The following EVC variants were observed in gnomAD, a reference collection of about 807,000 sequenced individuals.
EVC encodes EvC ciliary complex subunit 1.
In EVC, 116 loss-of-function variants were observed where a neutral mutation model predicts 118.9. That is an observed-to-expected ratio of 0.98 (90% CI 0.84 to 1.14). EVC has a LOEUF of 1.14. Among genes scored for constraint, EVC ranks in the 50% most tolerant of loss-of-function variants. The pLI, the probability that EVC is intolerant of heterozygous loss-of-function variation, is 0.00. For synonymous variants in EVC, 619 were observed against 534.7 expected (o/e 1.16, Z -2.18); for missense variants, 1,401 against 1,246.4 (o/e 1.12, Z -1.87).
At position 5,748,259 on chromosome 4, in the gene EVC, A is replaced by T; in HGVS notation, c.1051A>T (p.Ile351Phe). Reference protein sequence around the residue: ...QLMMTLTERMIAAEGLLCDSQ... With the variant: ...QLMMTLTERMFAAEGLLCDSQ... ...GATGATGACTCTGACGGAAAGAATG[A>T]TTGCAGCCGAAGGGCTATTGTGCGA... Residue 351 changes from isoleucine (I) to phenylalanine (F), a missense_variant, in exon 8 of 21, where the codon ATT (isoleucine) becomes TTT (phenylalanine). Coordinates refer to ENST00000264956, the MANE Select transcript of EVC (RefSeq NM_153717.3). 1.2e-6 allele frequency: 2 copies of T among 1,614,122 alleles called. No homozygotes were observed. Among genetic ancestry groups the T allele is most frequent in the South Asian group, 1.1e-5 (1 of 91,076 alleles).
At chr4:5,828,805 G>C in the EVC span, 26 of 1,075,044 alleles carry the variant, frequency 2.4e-5, no homozygotes, top group Admixed American at 2.0e-4. Context: ...ACCTTTTATT[G>C]ACTGTAATAT....
intron 17 of EVC, among the ~76,000 whole-genome samples, chr4:5,807,716 C>T (rs184108591): frequency 1.3e-5 from 2 of 152,218 alleles, no homozygotes; most frequent in South Asian, 2.1e-4. Context: ...TCTCATTTTA[C>T]GAGGGAGGGG....
intron 3 of EVC, among the ~76,000 whole-genome samples, chr4:5,730,658 C>G (rs1552058): frequency 0.15 from 22,475 of 151,672 alleles, 1,919 homozygotes; most frequent in African/African-American, 0.22. Flanking sequence ...AGAGGCAGAT[C>G]CCCAGGGACC....
At chr4:5,714,043 C>T (rs1446507870) in intron 1 of EVC, among the ~76,000 whole-genome samples, 1 of 152,252 alleles carries the variant, frequency 6.6e-6, no homozygotes, top group Non-Finnish European at 1.5e-5. Context: ...CTCAAGACAC[C>T]TCGCTGTTCC....
At chr4:5,761,782 C>T (rs1164976449) in intron 11 of EVC, among the ~76,000 whole-genome samples, 2 of 151,686 alleles carry the variant, frequency 1.3e-5, no homozygotes, top group East Asian at 3.9e-4. Context: ...GGAAGGGGTA[C>T]AATGAGTTGT....
Position 5,804,800 on chromosome 4 carries a change from G to C in EVC, c.2520G>C (p.Thr840=), listed in dbSNP as rs187406722. 2 of 1,614,130 alleles carry C rather than the reference G, an allele frequency of 1.2e-6. No individual in the cohort carries two copies. The highest frequency in any genetic ancestry group is 1.7e-4 in the Middle Eastern group (1 of 6,060). ...ELSNPSSGSR[T]AGGAHETSQA... ...GCAACCCTTCGTCGGGCAGCAGGAC[G>C]GCAGGTGGCGCTCATGAGACCTCCC... The change falls in exon 17 of 21, where the codon ACG becomes ACC. Residue 840 remains threonine, a synonymous_variant. Transcript: ENST00000264956.
chr4:5,807,432 T>C lies in EVC; in HGVS notation c.2562-769T>C, dbSNP rs145610472. ...CTCCACACGCACAGCTGCCTATCCA[T>C]GCTAAAGGTGGCCCTGACTTCAGGT... is the stretch of plus-strand genomic sequence containing the variant. On this transcript the variant is annotated intron_variant, in intron 17 of 20. Transcript: ENST00000264956. Among the ~76,000 whole-genome samples the C allele has an allele frequency of 2.8e-3, 432 of 152,304 alleles. 4 individuals are homozygous for C. The highest frequency in any genetic ancestry group is 9.9e-3 in the African/African-American group (412 of 41,572).
chr4:5,823,022 C>G, the EVC span, among the ~76,000 whole-genome samples: 1 of 152,100 alleles, frequency 6.6e-6, no homozygotes. Flanking sequence ...CTTTCTTTAC[C>G]GACAACTGTC....
In EVC at chr4:5,756,059, G is replaced by A. The variant is rs1731120592; in HGVS notation, c.1465-205G>A. ...TAACAAAAGCGTGGTGGTTTGTGGT[G>A]TTTCCTGGAAATCGGATTTGCTGAC... On this transcript the variant is annotated intron_variant, in intron 10 of 20. Transcript: ENST00000264956. The surrounding 1 kb of genome is among the most constrained non-coding windows in gnomAD (Gnocchi z 4.2). Among the ~76,000 whole-genome samples the A allele has an allele frequency of 2.6e-5, 4 of 152,150 alleles. No individual in the cohort carries two copies. The highest frequency in any genetic ancestry group is 2.6e-4 in the Admixed American group (4 of 15,280).
intron 2 of EVC, among the ~76,000 whole-genome samples, chr4:5,720,212 A>AT (rs1361798600): frequency 2.6e-5 from 4 of 152,062 alleles, no homozygotes; most frequent in Non-Finnish European, 4.4e-5. Context: ...AACTAGCATT[A>AT]TTTTTTAGCA....
chr4:5,762,350 C>A (rs375906245), intron 11 of EVC, among the ~76,000 whole-genome samples: 2 of 137,696 alleles, frequency 1.5e-5, no homozygotes, highest in South Asian at 5.3e-4. Context: ...TGAATAGTGC[C>A]GCAATAAACA....
At chr4:5,748,083 G>A (rs967681056) in intron 7 of EVC, 65 bp from the exon 8 acceptor site, 24 of 1,557,314 alleles carry the variant, frequency 1.5e-5, no homozygotes, top group South Asian at 1.0e-4. Flanking sequence ...TCCCGAGCAC[G>A]CACCGTTTGG....
In EVC at chr4:5,813,623, A is replaced by C. The variant is rs1717245128; in HGVS notation, c.*2586A>C. On this transcript the variant is annotated 3_prime_UTR_variant, in exon 21 of 21. Transcript: ENST00000264956. The stretch of plus-strand genomic sequence containing the variant: ...AATGCAGGCCCTCTGGCAGCACCAT[A>C]ATTGGTCGGTTACCCTGAGCCCAGA... 6.6e-6 allele frequency: 1 copy of C among 152,094 alleles called. No individual in the cohort carries two copies. Among genetic ancestry groups the C allele is most frequent in the Admixed American group, 6.5e-5 (1 of 15,270 alleles). 9.4% of individuals were successfully genotyped at this position (152,094 alleles called of 1,614,324 possible).
At position 5,711,393 on chromosome 4, in the gene EVC, G is replaced by C. The variant is rs1250299379; in HGVS notation, c.13G>C (p.Gly5Arg). 1 of 1,013,556 alleles carries C rather than the reference G, an allele frequency of 9.9e-7. No individual in the cohort carries two copies. Among genetic ancestry groups the C allele is most frequent in the Non-Finnish European group, 1.2e-6 (1 of 851,102 alleles). 62.8% of individuals were successfully genotyped at this position (1,013,556 alleles called of 1,614,324 possible). The change falls in exon 1 of 21, where the codon GGG becomes CGG. Residue 5 changes from glycine to arginine, a missense_variant. By Grantham distance (125) the Gly-to-Arg change is moderately radical. Transcript: ENST00000264956. Reference sequence around the variant, plus strand: ...CTGAGCGCCCCGGATGGCCCGCGGCGGGGCGGCCTGCAAGAGCGACGCGCG... The same window carrying C: ...CTGAGCGCCCCGGATGGCCCGCGGCCGGGCGGCCTGCAAGAGCGACGCGCG... MARG[G>R]AACKSDARLL... is the part of the protein sequence containing the mutation.
chr4:5,821,943 C>CCTTAGCAGAAGTCG, the EVC span: 46 of 1,141,502 alleles, frequency 4.0e-5, no homozygotes, highest in Non-Finnish European at 4.7e-5. The surrounding 1 kb of genome is among the most constrained non-coding windows in gnomAD (Gnocchi z 4.4). Flanking sequence ...ATGCACTCCA[C>CCTTAGCAGAAGTCG]TGGACCCACC....
rs1248711036 is a variant in EVC at position 5,789,641 on chromosome 4, C to G, written c.1777-3967C>G. Reference sequence around the variant, plus strand: ...AAAGAGTAAAACTTACTTGAGGCCACAAAATGACCTGGTAGCAATGACCAG... The same window carrying G: ...AAAGAGTAAAACTTACTTGAGGCCAGAAAATGACCTGGTAGCAATGACCAG... On this transcript the variant is annotated intron_variant, in intron 12 of 20. Transcript: ENST00000264956. This position sits in a 1 kb window ranked among gnomAD's most constrained non-coding sequence, Gnocchi z 4.3. Among the ~76,000 whole-genome samples, 1 of 152,176 alleles carries G rather than the reference C, an allele frequency of 6.6e-6. No individual in the cohort carries two copies. Among genetic ancestry groups the G allele is most frequent in the Non-Finnish European group, 1.5e-5 (1 of 68,030 alleles).
chr4:5,764,776 A>G (rs201159577), intron 11 of EVC, among the ~76,000 whole-genome samples: 49,512 of 131,590 alleles, frequency 0.38, 7,741 homozygotes, highest in African/African-American at 0.42. Flanking sequence ...TATTGCGTCT[A>G]TTTGATTCTT....
chr4:5,806,991 G>A (rs1299967360), intron 17 of EVC, among the ~76,000 whole-genome samples: 1 of 152,044 alleles, frequency 6.6e-6, no homozygotes, highest in Non-Finnish European at 1.5e-5. Flanking sequence ...TTTTTTTTAA[G>A]AACGTCTATT....
intron 1 of EVC, among the ~76,000 whole-genome samples, chr4:5,713,770 G>A (rs896168414): frequency 6.6e-6 from 1 of 151,860 alleles, no homozygotes; most frequent in Non-Finnish European, 1.5e-5. Flanking sequence ...AGGTGTGGTG[G>A]TGCATGCCTG....
Sources: allele counts gnomAD v4.1 joint callset (sites outside exome capture counted in the v4.1 genomes callset), GRCh38; gene constraint gnomAD v4.1.1; non-coding constraint Gnocchi (gnomAD v3.1); transcripts MANE v1.5; gene names NCBI Gene and HGNC (gene_info 2026-07-23, HGNC 2026-07-21).